Variants in UGT1A9 observed in about 807,000 individuals in gnomAD.
UGT1A9 encodes the protein UDP-glucuronosyltransferase 1A9.
UGT1A9 carries 35 observed loss-of-function variants against 45.0 expected under a neutral mutation model. The ratio of observed to expected loss-of-function variants is 0.78; its 90% CI spans 0.59 to 1.03. The LOEUF is 1.03. Ranked by LOEUF, UGT1A9 falls within the 50% of genes least tolerant of loss-of-function variation. The pLI, the probability that UGT1A9 is intolerant of heterozygous loss-of-function variation, is 0.00. For synonymous variants in UGT1A9, 278 were observed against 250.6 expected, an observed-to-expected ratio of 1.11 and a Z score of -1.03; for missense variants, 687 against 666.6, an observed-to-expected ratio of 1.03 and a Z score of -0.34.
At chr2:233,768,733 C>T (rs748503352) in intron 4 of UGT1A9, among the ~76,000 whole-genome samples, 3 of 151,708 alleles carry the variant, frequency 2.0e-5, no homozygotes, top group Admixed American at 6.6e-5. Context: ...CAGGTGTCCA[C>T]CACCACGCCC....
chr2:233,700,655 T>G (rs1207432323), intron 1 of UGT1A9, among the ~76,000 whole-genome samples: 1 of 152,198 alleles, frequency 6.6e-6, no homozygotes, highest in African/African-American at 2.4e-5. Flanking sequence ...TTTACATATT[T>G]CTACTTTTCA....
At chr2:233,709,276 T>A (rs912959926) in intron 1 of UGT1A9, among the ~76,000 whole-genome samples, 1 of 152,202 alleles carries the variant, frequency 6.6e-6, no homozygotes, top group African/African-American at 2.4e-5. Flanking sequence ...ACGCTGTGAA[T>A]TACCCTTCAA....
intron 1 of UGT1A9, among the ~76,000 whole-genome samples, chr2:233,763,057 G>T (rs920282385): frequency 6.6e-6 from 1 of 152,282 alleles, no homozygotes; most frequent in South Asian, 2.1e-4. Context: ...TATTGATTTA[G>T]ATAATTTCCT....
chr2:233,719,296 C>G, intron 1 of UGT1A9: 1 of 1,613,940 alleles, frequency 6.2e-7, no homozygotes, highest in South Asian at 1.1e-5. Flanking sequence ...CTCTGTGGGG[C>G]GGTGCTGGCT....
chr2:233,760,213 G>A (rs1697347884), intron 1 of UGT1A9: 1 of 1,592,276 alleles, frequency 6.3e-7, no homozygotes, highest in Non-Finnish European at 8.5e-7. Context: ...CATTAACTTG[G>A]TGTATCGATT....
At chr2:233,690,728 C>T in intron 1 of UGT1A9, 1 of 1,211,732 alleles carries the variant, frequency 8.3e-7, no homozygotes, top group East Asian at 5.7e-5. Context: ...ACAGACATGC[C>T]AGATTCCTCT....
chr2:233,747,954 C>T (rs1693821442), intron 1 of UGT1A9: 2 of 1,613,446 alleles, frequency 1.2e-6, no homozygotes, highest in Non-Finnish European at 8.5e-7. Flanking sequence ...AGTGGTGGAT[C>T]TTCTCAGCCA....
chr2:233,716,551 C>A (rs886765309), intron 1 of UGT1A9, among the ~76,000 whole-genome samples: 2 of 152,122 alleles, frequency 1.3e-5, no homozygotes, highest in Admixed American at 6.5e-5. Context: ...TCCTTATATT[C>A]CTTTTTTCAT....
At chr2:233,747,961 G>A (rs529720964) in intron 1 of UGT1A9, 1 of 1,613,428 alleles carries the variant, frequency 6.2e-7, no homozygotes, top group South Asian at 1.1e-5. Context: ...GATCTTCTCA[G>A]CCATGCATCT....
intron 1 of UGT1A9, among the ~76,000 whole-genome samples, chr2:233,736,629 C>T (rs558858921): frequency 6.6e-6 from 1 of 152,208 alleles, no homozygotes; most frequent in Admixed American, 6.5e-5. Flanking sequence ...CTTTTCTGCT[C>T]TAGTTTCCCC....
chr2:233,692,830 A>T, intron 1 of UGT1A9: 1 of 1,442,932 alleles, frequency 6.9e-7, no homozygotes, highest in Non-Finnish European at 9.1e-7. Flanking sequence ...CCATGTGATT[A>T]AAATGGTTAA....
intron 1 of UGT1A9, among the ~76,000 whole-genome samples, chr2:233,721,134 G>T (rs929528058): frequency 6.6e-6 from 1 of 152,014 alleles, no homozygotes; most frequent in East Asian, 1.9e-4. Context: ...ATTAGTGTAG[G>T]TATTATTGCA....
At chr2:233,683,395 A>T (rs1186306965) in intron 1 of UGT1A9, among the ~76,000 whole-genome samples, 5 of 152,160 alleles carry the variant, frequency 3.3e-5, no homozygotes, top group African/African-American at 1.2e-4. Flanking sequence ...ATTGATAGAG[A>T]TTTAAGTGTT....
intron 1 of UGT1A9, among the ~76,000 whole-genome samples, chr2:233,704,774 T>A (rs2125597595): frequency 6.6e-6 from 1 of 152,284 alleles, no homozygotes; most frequent in Admixed American, 6.5e-5. Flanking sequence ...CGCTTCCATA[T>A]GTTATAGTCC....
intron 1 of UGT1A9, among the ~76,000 whole-genome samples, chr2:233,765,606 C>T (rs4663971): frequency 1.3e-5 from 2 of 151,332 alleles, no homozygotes; most frequent in Non-Finnish European, 1.5e-5. Context: ...GGGCTTGTGG[C>T]GGGGTGAGGG....
chr2:233,735,700 G>T (rs940691560), intron 1 of UGT1A9, among the ~76,000 whole-genome samples: 1 of 151,948 alleles, frequency 6.6e-6, no homozygotes, highest in African/African-American at 2.4e-5. Context: ...TGTAAGGCAG[G>T]CCTGGTGGTG....
At chr2:233,743,553 T>G in intron 1 of UGT1A9, 1 of 1,367,178 alleles carries the variant, frequency 7.3e-7, no homozygotes. Flanking sequence ...CCCCCCAAAA[T>G]ATTCTCCAGC....
intron 1 of UGT1A9, chr2:233,729,134 C>G (rs143371539): frequency 2.7e-5 from 44 of 1,613,172 alleles, no homozygotes; most frequent in Middle Eastern, 1.8e-4. Flanking sequence ...GAGATGGCCA[C>G]AGGACTCCAG....
At chr2:233,745,275 A>G (rs1321529311) in intron 1 of UGT1A9, among the ~76,000 whole-genome samples, 1 of 151,868 alleles carries the variant, frequency 6.6e-6, no homozygotes, top group East Asian at 1.9e-4. Flanking sequence ...GGCCGTGTGT[A>G]TAGCACTGGG....
Sources: gnomAD v4.1 joint callset for allele counts (sites outside exome capture counted in the v4.1 genomes callset) on GRCh38, gnomAD v4.1.1 for gene constraint, MANE v1.5 for transcripts, NCBI Gene and HGNC (gene_info 2026-07-23, HGNC 2026-07-21) for gene names.